Variants in DRC3 observed in about 807,000 individuals in gnomAD.
DRC3 encodes the protein leucine rich repeat containing 48.
A neutral mutation model predicts 57.6 loss-of-function variants in DRC3; 45 were observed. The ratio of observed to expected loss-of-function variants is 0.78; its 90% confidence interval spans 0.62 to 1.00. The LOEUF (loss-of-function observed/expected upper bound fraction) is 1.00. DRC3 is among the 50% of genes least tolerant of loss of function. DRC3 has a pLI of 0.00. For missense variants in DRC3, 655 were observed against 675.2 expected (o/e 0.97, Z 0.33); for synonymous variants, 257 against 272.3 (o/e 0.94, Z 0.55).
intron 3 of DRC3, 119 bp downstream of exon 3, chr17:17,977,877 T>C: frequency 9.7e-7 from 1 of 1,025,650 alleles, no homozygotes; most frequent in Non-Finnish European, 1.4e-6. Flanking sequence ...ACATCAGCAT[T>C]AGGGCCTACC....
In DRC3 at chr17:18,016,687, A is replaced by G. The variant is rs2145476263; in HGVS notation, c.*16A>G. On this transcript the variant is annotated 3_prime_UTR_variant, in exon 14 of 14. Transcript: ENST00000399187. ...CCTAGACTAGATGAATGTCAGCCACAGGAGCTTCTTCAAAACATAGCACCA... is the reference window on the plus strand; with the variant it reads ...CCTAGACTAGATGAATGTCAGCCACGGGAGCTTCTTCAAAACATAGCACCA... 1 of 1,552,128 alleles carries G rather than the reference A, an allele frequency of 6.4e-7. No individual in the cohort carries two copies. The highest frequency in any genetic ancestry group is 8.9e-7 in the Non-Finnish European group (1 of 1,124,488).
chr17:18,006,037 C>T, intron 10 of DRC3, 146 bp from the exon 11 acceptor site: 3 of 656,946 alleles, frequency 4.6e-6, no homozygotes, highest in Non-Finnish European at 5.6e-6. Context: ...CAGTTCACAA[C>T]CATCTGCTCA....
intron 5 of DRC3, among the ~76,000 whole-genome samples, chr17:17,992,017 G>A (rs924288181): frequency 6.6e-6 from 1 of 152,210 alleles, no homozygotes; most frequent in East Asian, 1.9e-4. Context: ...GCTCACGCCT[G>A]TAATTCCAAC....
intron 12 of DRC3, chr17:18,011,813 C>G (rs1395860786): frequency 5.4e-6 from 1 of 185,392 alleles, no homozygotes; most frequent in African/African-American, 2.3e-5. Flanking sequence ...CAGGCTTCAG[C>G]TGTGGCTACA....
chr17:17,990,959 T>G (rs2043199073), intron 5 of DRC3, among the ~76,000 whole-genome samples: 1 of 152,174 alleles, frequency 6.6e-6, no homozygotes, highest in East Asian at 1.9e-4. Context: ...CCACTGCACT[T>G]CAGCCTGGGT....
At chr17:18,000,791 CAT>C (rs1286429463) in intron 9 of DRC3, among the ~76,000 whole-genome samples, 1 of 152,190 alleles carries the variant, frequency 6.6e-6, no homozygotes, top group Non-Finnish European at 1.5e-5. Context: ...ACACGTTTTA[CAT>C]GTTTTACAAC....
intron 5 of DRC3, 48 bp from the exon 6 acceptor site, chr17:17,992,717 A>G: frequency 1.3e-6 from 2 of 1,590,114 alleles, no homozygotes; most frequent in Admixed American, 1.7e-5. Context: ...TGTGTTTTCA[A>G]CTCTGTGGCA....
At chr17:18,003,637 CTTTTTTTTTTT>C (rs758041562) in intron 9 of DRC3, among the ~76,000 whole-genome samples, 2 of 103,920 alleles carry the variant, frequency 1.9e-5, no homozygotes, top group East Asian at 5.6e-4. Flanking sequence ...TTTTAAGTAT[CTTTTTTTTTTT>C]TTTTTTTTTT....
At chr17:17,975,872 T>C (rs917537768) in intron 2 of DRC3, among the ~76,000 whole-genome samples, 2 of 152,120 alleles carry the variant, frequency 1.3e-5, no homozygotes, top group African/African-American at 4.8e-5. Flanking sequence ...TTGGGACATT[T>C]GATGAGGGAC....
chr17:17,986,065 C>A (rs2042942152), intron 4 of DRC3, among the ~76,000 whole-genome samples: 1 of 152,156 alleles, frequency 6.6e-6, no homozygotes, highest in Non-Finnish European at 1.5e-5. Flanking sequence ...GTATGTGCCA[C>A]CATGGGTGGC....
rs533684104 is a variant in DRC3, at chr17:17,988,440, G to A, written c.444+342G>A. 52 of 274,694 alleles carry A rather than the reference G, an allele frequency of 1.9e-4. 1 individual carries two copies. In the South Asian group the frequency reaches 1.9e-3, roughly 10 times the overall value. The allele number at this position is 274,694 out of a possible 1,614,324, so 17.0% of individuals were successfully genotyped here. A position where few individuals can be genotyped will look rare whatever the true frequency, so the allele number is the denominator to read the frequency against. On this transcript the variant is annotated intron_variant, in intron 5 of 13. Transcript: ENST00000399187. The stretch of plus-strand genomic sequence containing the variant: ...CACTGGGAACAGAGACAGACGAGAT[G>A]TGGTCCCTTTGGAGTGACCAGCACA...
At chr17:17,973,766 G>A (rs1305768497) in intron 1 of DRC3, 86 bp from the exon 2 acceptor site, 2 of 152,200 alleles carry the variant, frequency 1.3e-5, no homozygotes, top group African/African-American at 2.4e-5. Context: ...AAGCCATCTC[G>A]CCCAACCAAT....
chr17:17,980,708 C>G (rs1162176305), intron 3 of DRC3, among the ~76,000 whole-genome samples: 2 of 150,796 alleles, frequency 1.3e-5, no homozygotes, highest in Non-Finnish European at 2.9e-5. Context: ...GATTCTCTTG[C>G]CTCAGCCTCC....
chr17:17,984,642 A>G (rs1344922864), intron 4 of DRC3, among the ~76,000 whole-genome samples: 1 of 152,152 alleles, frequency 6.6e-6, no homozygotes, highest in Non-Finnish European at 1.5e-5. Context: ...GGCATCTGTT[A>G]TAATCCCAAT....
intron 9 of DRC3, among the ~76,000 whole-genome samples, chr17:18,003,379 A>G (rs1013448645): frequency 1.4e-4 from 21 of 148,798 alleles, no homozygotes; most frequent in African/African-American, 5.2e-4. Context: ...CTAGCTACTC[A>G]GGAGACTGAG....
intron 2 of DRC3, among the ~76,000 whole-genome samples, chr17:17,975,218 T>C (rs2042324511): frequency 6.6e-6 from 1 of 151,798 alleles, no homozygotes; most frequent in Non-Finnish European, 1.5e-5. Flanking sequence ...ACCTTTTTTT[T>C]TTTTTTTTTC....
intron 7 of DRC3, 60 bp from the exon 8 acceptor site, chr17:17,994,939 T>C: frequency 8.8e-7 from 1 of 1,140,434 alleles, no homozygotes; most frequent in South Asian, 1.2e-5. Context: ...CATGGGCCTG[T>C]GAGATGATGC....
At chr17:18,015,621 A>T (rs1176196514) in intron 12 of DRC3, 1 of 159,630 alleles carries the variant, frequency 6.3e-6, no homozygotes, top group African/African-American at 2.4e-5. Flanking sequence ...AACACCCATG[A>T]GTTTGTAGGG....
chr17:18,005,761 CAG>C (rs776006735), intron 10 of DRC3: 1 of 186,630 alleles, frequency 5.4e-6, no homozygotes, highest in South Asian at 1.3e-4. Context: ...CAGAGTTACA[CAG>C]AGTGCTGGAG....
Sources: allele counts gnomAD v4.1 joint callset (sites outside exome capture counted in the v4.1 genomes callset), GRCh38; gene constraint gnomAD v4.1.1; transcripts MANE v1.5; gene names NCBI Gene and HGNC (gene_info 2026-07-23, HGNC 2026-07-21).